TCF7L1: variants seen among roughly 807,000 people sequenced by gnomAD.
TCF7L1 encodes the protein transcription factor 7 like 1.
A neutral mutation model predicts 63.7 loss-of-function variants in TCF7L1; 18 were observed. The observed-to-expected ratio is 0.28, with a 90% CI of 0.20 to 0.42. The LOEUF is 0.42. Ranked by LOEUF, TCF7L1 falls within the 10% of genes least tolerant of loss-of-function variation. The pLI, the probability that TCF7L1 is intolerant of heterozygous loss-of-function variation, is 1.00. For synonymous variants in TCF7L1, 355 were observed against 340.9 expected (o/e 1.04, Z -0.46); for missense variants, 654 against 779.3 (o/e 0.84, Z 1.91).
At chr2:85,266,098 T>G (rs1680966407) in intron 3 of TCF7L1, among the ~76,000 whole-genome samples, 1 of 152,248 alleles carries the variant, frequency 6.6e-6, no homozygotes, top group Non-Finnish European at 1.5e-5. Flanking sequence ...CTTAACAGTG[T>G]AAACACCTTT....
rs1451840287 is a variant in TCF7L1 at position 85,201,530 on chromosome 2, AT to A, written c.441+67081del. Among the ~76,000 whole-genome samples, 3 of 152,240 alleles carry A rather than the reference AT, an allele frequency of 2.0e-5. 1 individual carries two copies. The highest frequency in any genetic ancestry group is 4.4e-5 in the Non-Finnish European group (3 of 68,040). On this transcript the variant is annotated intron_variant, in intron 3 of 11. Transcript: ENST00000282111. ...CCAAATTGTCACAAATCTCCAAAAA[AT>A]GTTCCAATATATTTATTGAAATAAA...
chr2:85,195,707 C>T (rs192580725), intron 3 of TCF7L1, among the ~76,000 whole-genome samples: 60 of 152,058 alleles, frequency 3.9e-4, no homozygotes, highest in African/African-American at 1.2e-3. Flanking sequence ...CCACCACCCC[C>T]GGCCAATTTT....
rs1680058377 is a variant in TCF7L1, at chr2:85,230,755, T to G, written c.442-52740T>G. Among the ~76,000 whole-genome samples, 4 of 152,332 alleles carry G rather than the reference T, an allele frequency of 2.6e-5. No individual in the cohort carries two copies. In the South Asian group the frequency reaches 6.2e-4, roughly 24 times the overall value. On this transcript the variant is annotated intron_variant, in intron 3 of 11. Coordinates refer to ENST00000282111, the MANE Select transcript of TCF7L1 (RefSeq NM_031283.3). ...CTGCATCCCTACGTGACACTCTGCT[T>G]TCTGTGGGGCAGCCTTGTTATTGCG...
chr2:85,296,702 A>G (rs984557132), intron 4 of TCF7L1, among the ~76,000 whole-genome samples: 1 of 152,124 alleles, frequency 6.6e-6, no homozygotes, highest in African/African-American at 2.4e-5. Flanking sequence ...CGTCTTTGAA[A>G]TTCTTACTCA....
At chr2:85,304,025 C>G (rs769335528) in intron 6 of TCF7L1, 28 bp downstream of exon 6, 12 of 1,530,574 alleles carry the variant, frequency 7.8e-6, no homozygotes, top group Non-Finnish European at 9.9e-6. Context: ...TCTCTTCCCC[C>G]TGCTCCCTCC....
At chr2:85,303,864 A>G in intron 5 of TCF7L1, 31 bp from the exon 6 acceptor site, 1 of 1,531,362 alleles carries the variant, frequency 6.5e-7, no homozygotes. Context: ...AGGGCGAGGG[A>G]ACAGTCTGAC....
chr2:85,166,066 G>A (rs1003781298), intron 3 of TCF7L1, among the ~76,000 whole-genome samples: 1 of 152,214 alleles, frequency 6.6e-6, no homozygotes, highest in African/African-American at 2.4e-5. Context: ...GAGGCAAATG[G>A]CAGTGAGTTT....
chr2:85,246,626 C>T (rs1680470508), intron 3 of TCF7L1, among the ~76,000 whole-genome samples: 1 of 152,224 alleles, frequency 6.6e-6, no homozygotes, highest in African/African-American at 2.4e-5. Context: ...CTCCATCTGG[C>T]CGTTGCTCGG....
intron 3 of TCF7L1, among the ~76,000 whole-genome samples, chr2:85,215,120 A>G (rs1221817720): frequency 6.6e-6 from 1 of 152,200 alleles, no homozygotes; most frequent in East Asian, 1.9e-4. Context: ...ATCAAGGTCA[A>G]GCAGATCCAG....
chr2:85,141,857 G>A (rs1314909451), intron 3 of TCF7L1, among the ~76,000 whole-genome samples: 1 of 152,206 alleles, frequency 6.6e-6, no homozygotes, highest in African/African-American at 2.4e-5. Context: ...AATGGATAGT[G>A]TGCATTGGAG....
chr2:85,258,539 G>A (rs1051338951), intron 3 of TCF7L1, among the ~76,000 whole-genome samples: 5 of 152,180 alleles, frequency 3.3e-5, no homozygotes, highest in African/African-American at 1.2e-4. Flanking sequence ...GGGGGTGCCA[G>A]ATCAGGCTCT....
Position 85,308,662 on chromosome 2 carries a change from G to A in TCF7L1, c.1334-367G>A, listed in dbSNP as rs527599202. On this transcript the variant is annotated intron_variant, in intron 11 of 11. Transcript: ENST00000282111. ...TGCTACAGAACCCGCTGTCTGGCACGCTGTTCAGCAGGCATGCACTCTCTC... is the reference window on the plus strand; with the variant it reads ...TGCTACAGAACCCGCTGTCTGGCACACTGTTCAGCAGGCATGCACTCTCTC... 4.9e-4 allele frequency among the ~76,000 whole-genome samples: 75 copies of A among 151,698 alleles called. 1 individual carries two copies. Among genetic ancestry groups the A allele is most frequent in the African/African-American group, 1.6e-3 (66 of 41,326 alleles).
chr2:85,156,285 G>T (rs943225508), intron 3 of TCF7L1, among the ~76,000 whole-genome samples: 3 of 152,178 alleles, frequency 2.0e-5, no homozygotes, highest in Non-Finnish European at 4.4e-5. Context: ...GAGAAGTCTG[G>T]TCAAATCCAC....
intron 4 of TCF7L1, among the ~76,000 whole-genome samples, chr2:85,295,612 T>TTC (rs1004641818): frequency 2.5e-4 from 37 of 150,596 alleles, no homozygotes; most frequent in African/African-American, 5.3e-4. Flanking sequence ...GTGCTTCTCT[T>TTC]TCTCTCTCTC....
At position 85,152,821 on chromosome 2, in the gene TCF7L1, A is replaced by C. The variant is rs150744322; in HGVS notation, c.441+18371A>C. Among the ~76,000 whole-genome samples, 267 of 152,176 alleles carry C rather than the reference A, an allele frequency of 1.8e-3. 1 individual carries two copies. Among genetic ancestry groups the C allele is most frequent in the Non-Finnish European group, 3.4e-3 (230 of 68,012 alleles). ...AATAGTTGTATAATTTTACATGATA[A>C]TTGCTTTCTACATAAAATTAATATT... On this transcript the variant is annotated intron_variant, in intron 3 of 11. Transcript: ENST00000282111.
intron 3 of TCF7L1, among the ~76,000 whole-genome samples, chr2:85,160,209 C>T (rs1678254145): frequency 1.3e-5 from 2 of 152,182 alleles, no homozygotes; most frequent in Non-Finnish European, 2.9e-5. Flanking sequence ...CTCCTTCCCC[C>T]TGGCAGCCAC....
intron 3 of TCF7L1, among the ~76,000 whole-genome samples, chr2:85,215,057 C>T (rs72840154): frequency 0.046 from 6,934 of 152,212 alleles, 170 homozygotes; most frequent in Middle Eastern, 0.054. Context: ...CAGCCCTGTG[C>T]CCTGAAACCA....
chr2:85,150,505 T>G (rs550255208), intron 3 of TCF7L1, among the ~76,000 whole-genome samples: 1 of 152,296 alleles, frequency 6.6e-6, no homozygotes, highest in Admixed American at 6.5e-5. Flanking sequence ...GTGCTGGTAT[T>G]ACAGGCGTGA....
chr2:85,150,713 TA>T (rs1677990586), intron 3 of TCF7L1, among the ~76,000 whole-genome samples: 1 of 152,208 alleles, frequency 6.6e-6, no homozygotes, highest in Non-Finnish European at 1.5e-5. Flanking sequence ...TAGGTGATAC[TA>T]ATTTTGTTTT....
Sources: allele counts gnomAD v4.1 joint callset (sites outside exome capture counted in the v4.1 genomes callset), GRCh38; gene constraint gnomAD v4.1.1; transcripts MANE v1.5; gene names NCBI Gene and HGNC (gene_info 2026-07-23, HGNC 2026-07-21).